Variants in PTPN14 observed in about 807,000 individuals in gnomAD.
The protein encoded by PTPN14 is protein tyrosine phosphatase non-receptor type 14, also known as tyrosine-protein phosphatase non-receptor type 14.
Under a neutral mutation model 126.8 loss-of-function variants are expected in PTPN14, and 53 were observed. The observed-to-expected ratio is 0.42, with a 90% CI of 0.34 to 0.53. The LOEUF (loss-of-function observed/expected upper bound fraction) is 0.53, where lower values mean the gene tolerates loss of function less well. Among genes scored for constraint, PTPN14 ranks in the 20% least tolerant of loss-of-function variants. The probability of loss-of-function intolerance (pLI) is 0.08; values close to 1 mark genes in which losing one functional copy is unlikely to be tolerated. For synonymous variants in PTPN14, 630 were observed against 599.3 expected, an observed-to-expected ratio of 1.05 and a Z score of -0.75; for missense variants, 1,257 against 1,552.9, an observed-to-expected ratio of 0.81 and a Z score of 3.20.
Position 214,403,111 on chromosome 1 carries a change from C to A in PTPN14, c.511-158G>T, listed in dbSNP as rs72757974. Reference sequence around the variant, plus strand: ...GAATTAAAGGTTGTAATTTTTAGAACTGAGTTATGATTTCTACTGTTATAA... The same window carrying A: ...GAATTAAAGGTTGTAATTTTTAGAAATGAGTTATGATTTCTACTGTTATAA... On this transcript the variant is annotated intron_variant, in intron 5 of 18. Transcript: ENST00000366956. Among the ~76,000 whole-genome samples the A allele has an allele frequency of 0.12, 18,908 of 152,154 alleles. 1,536 individuals carry two copies. Among genetic ancestry groups the A allele is most frequent in the Non-Finnish European group, 0.18 (11,932 of 67,996 alleles).
chr1:214,372,881 G>T, intron 15 of PTPN14, 42 bp from the exon 16 acceptor site: 1 of 1,609,006 alleles, frequency 6.2e-7, no homozygotes, highest in Non-Finnish European at 8.5e-7. Context: ...CCCCAAGTCC[G>T]GACAACATTA....
At chr1:214,460,618 CACACACAT>C (rs1222553571) in intron 2 of PTPN14, among the ~76,000 whole-genome samples, 1 of 7,412 alleles carries the variant, frequency 1.3e-4, no homozygotes, top group Non-Finnish European at 2.6e-4. Context: ...CACATACACA[CACACACAT>C]ACACACACAC....
chr1:214,453,821 T>C (rs1660325531), intron 2 of PTPN14, among the ~76,000 whole-genome samples: 1 of 152,068 alleles, frequency 6.6e-6, no homozygotes, highest in Admixed American at 6.5e-5. Flanking sequence ...AACATAAATA[T>C]TTAAAAGATG....
chr1:214,527,908 G>A (rs1321988607), intron 1 of PTPN14, among the ~76,000 whole-genome samples: 1 of 152,130 alleles, frequency 6.6e-6, no homozygotes, highest in African/African-American at 2.4e-5. Flanking sequence ...AAGAAGAATG[G>A]TTACAATATT....
In PTPN14 at chr1:214,351,679, C is replaced by T. The variant is rs1263329872; in HGVS notation, c.*6243G>A. ...AAATCCAGGCAAATATGATAAACCA[C>T]ACATCATAATCCATGACATTCATCA... On this transcript the variant is annotated 3_prime_UTR_variant, in exon 19 of 19. Coordinates refer to ENST00000366956, the MANE Select transcript of PTPN14 (RefSeq NM_005401.5). The T allele has an allele frequency of 6.6e-6, 1 of 152,268 alleles. No homozygotes were observed. The highest frequency in any genetic ancestry group is 1.5e-5 in the Non-Finnish European group (1 of 68,074). The allele number at this position is 152,268 out of a possible 1,614,324, so 9.4% of individuals were successfully genotyped here.
intron 3 of PTPN14, among the ~76,000 whole-genome samples, chr1:214,451,312 C>T (rs940912322): frequency 1.3e-5 from 2 of 151,984 alleles, no homozygotes; most frequent in South Asian, 4.1e-4. Flanking sequence ...AAGCACAAAA[C>T]ACCATGTCTA....
intron 5 of PTPN14, among the ~76,000 whole-genome samples, chr1:214,406,137 A>C (rs1044951753): frequency 2.0e-5 from 3 of 152,154 alleles, no homozygotes; most frequent in Non-Finnish European, 4.4e-5. Context: ...TCCATATCTG[A>C]GCTTTCCAAT....
chr1:214,545,055 C>T (rs887243123), intron 1 of PTPN14, among the ~76,000 whole-genome samples: 4 of 151,892 alleles, frequency 2.6e-5, no homozygotes, highest in East Asian at 1.9e-4. Flanking sequence ...GTGTTAGGGG[C>T]GCTAGCACAG....
chr1:214,516,972 C>T (rs946663298), intron 1 of PTPN14, among the ~76,000 whole-genome samples: 1 of 152,180 alleles, frequency 6.6e-6, no homozygotes, highest in African/African-American at 2.4e-5. Flanking sequence ...TCTCCTCTCT[C>T]ACAGTTCATG....
intron 2 of PTPN14, among the ~76,000 whole-genome samples, chr1:214,458,497 G>A (rs1301269667): frequency 1.3e-5 from 2 of 152,208 alleles, no homozygotes; most frequent in Non-Finnish European, 2.9e-5. Flanking sequence ...TCCTATGCCA[G>A]GCACTGTGAG....
intron 15 of PTPN14, among the ~76,000 whole-genome samples, chr1:214,375,480 TA>T (rs1471744674): frequency 3.3e-5 from 5 of 152,222 alleles, no homozygotes; most frequent in Non-Finnish European, 7.3e-5. Flanking sequence ...GGTGACATTC[TA>T]AATAAGTGTC....
chr1:214,453,612 C>T (rs1252442293), intron 2 of PTPN14, among the ~76,000 whole-genome samples: 1 of 152,152 alleles, frequency 6.6e-6, no homozygotes, highest in Non-Finnish European at 1.5e-5. Context: ...GGCTGCACGA[C>T]TACTACTCCT....
At chr1:214,458,056 T>TAGAG (rs1251547360) in intron 2 of PTPN14, among the ~76,000 whole-genome samples, 14 of 144,998 alleles carry the variant, frequency 9.7e-5, no homozygotes, top group Admixed American at 3.4e-4. Flanking sequence ...GAGAGAGAGA[T>TAGAG]AGAGAGAGAG....
intron 5 of PTPN14, among the ~76,000 whole-genome samples, chr1:214,404,394 C>G: frequency 6.6e-6 from 1 of 152,162 alleles, no homozygotes; most frequent in East Asian, 1.9e-4. Flanking sequence ...AGGAAATAAG[C>G]TCAACATTTT....
intron 16 of PTPN14, among the ~76,000 whole-genome samples, chr1:214,371,363 C>T (rs1658213805): frequency 6.6e-6 from 1 of 152,194 alleles, no homozygotes; most frequent in Non-Finnish European, 1.5e-5. Context: ...CTCAGGGTTG[C>T]ACATCGTGAA....
chr1:214,371,570 G>C (rs1355629436), intron 16 of PTPN14, among the ~76,000 whole-genome samples: 1 of 152,176 alleles, frequency 6.6e-6, no homozygotes, highest in East Asian at 1.9e-4. Context: ...CCTCCCACTA[G>C]GACATAAGCT....
intron 2 of PTPN14, among the ~76,000 whole-genome samples, chr1:214,459,905 G>A (rs1660470823): frequency 6.6e-6 from 1 of 152,222 alleles, no homozygotes; most frequent in African/African-American, 2.4e-5. Context: ...TAGTTCAAAA[G>A]AGTATTTTCT....
intron 1 of PTPN14, among the ~76,000 whole-genome samples, chr1:214,500,302 A>T (rs570299849): frequency 6.6e-6 from 1 of 150,554 alleles, no homozygotes; most frequent in African/African-American, 2.5e-5. Context: ...ACAAACTCTT[A>T]ATTAGAAGGA....
At chr1:214,490,978 G>A (rs569511974) in intron 1 of PTPN14, among the ~76,000 whole-genome samples, 5 of 114,772 alleles carry the variant, frequency 4.4e-5, no homozygotes, top group Non-Finnish European at 7.5e-5. Context: ...GGGAAGGAAA[G>A]GAAGGAAGGA....
Sources: gnomAD v4.1 joint callset for allele counts (sites outside exome capture counted in the v4.1 genomes callset) on GRCh38, gnomAD v4.1.1 for gene constraint, MANE v1.5 for transcripts, NCBI Gene and HGNC (gene_info 2026-07-23, HGNC 2026-07-21) for gene names.